LHPP: variants seen among roughly 807,000 people sequenced by gnomAD.
LHPP encodes hLHPP.
In LHPP, 24 loss-of-function variants were observed where a neutral mutation model predicts 30.3. That is an observed-to-expected ratio of 0.79 (90% CI 0.57 to 1.11). LHPP has a LOEUF of 1.11. LHPP is among the 50% of genes most tolerant of loss of function. LHPP has a pLI of 0.00. For missense variants in LHPP, 356 were observed against 367.2 expected (o/e 0.97, Z 0.25); for synonymous variants, 150 against 157.1 (o/e 0.95, Z 0.34).
At chr10:124,518,946 T>G (rs1954534527) in intron 6 of LHPP, among the ~76,000 whole-genome samples, 1 of 152,126 alleles carries the variant, frequency 6.6e-6, no homozygotes, top group African/African-American at 2.4e-5. Context: ...TTTTTTGTTT[T>G]TGTTTTTGTT....
chr10:124,576,351 C>T lies in LHPP; in HGVS notation c.717-36913C>T, dbSNP rs1948660130. On this transcript the variant is annotated intron_variant, in intron 6 of 6. Transcript: ENST00000368842. The surrounding 1 kb of genome is among the most constrained non-coding windows in gnomAD (Gnocchi z 4.2). ...GGGGGCGCTGGGGTGGCAGCAGGGC[C>T]AGACCCCACTTCAGGGGTTGCCCCC... is the stretch of plus-strand genomic sequence containing the variant. 6.6e-6 allele frequency among the ~76,000 whole-genome samples: 1 copy of T among 152,054 alleles called. No homozygotes were observed. The highest frequency in any genetic ancestry group is 1.5e-5 in the Non-Finnish European group (1 of 67,980).
At chr10:124,465,351 AG>A (rs1246382483) in intron 1 of LHPP, among the ~76,000 whole-genome samples, 1 of 152,186 alleles carries the variant, frequency 6.6e-6, no homozygotes, top group East Asian at 1.9e-4. Flanking sequence ...CCTGAGTGGC[AG>A]GAAGTCAGTG....
intron 5 of LHPP, among the ~76,000 whole-genome samples, chr10:124,502,034 A>T (rs1953916992): frequency 6.6e-6 from 1 of 151,986 alleles, no homozygotes; most frequent in African/African-American, 2.4e-5. Context: ...ACTAATAACC[A>T]CTTTAAAATT....
intron 5 of LHPP, among the ~76,000 whole-genome samples, chr10:124,503,850 A>G (rs914145246): frequency 6.7e-6 from 1 of 149,776 alleles, no homozygotes; most frequent in African/African-American, 2.6e-5. Context: ...TGTGTTTTAT[A>G]TATAGAGAGA....
intron 6 of LHPP, among the ~76,000 whole-genome samples, chr10:124,538,968 A>G (rs1869660): frequency 0.75 from 114,527 of 152,112 alleles, 44,507 homozygotes; most frequent in Admixed American, 0.84. Context: ...ATATTGGAGG[A>G]GTTGAATTAT....
intron 5 of LHPP, among the ~76,000 whole-genome samples, chr10:124,512,461 AAAAC>A (rs1260187791): frequency 6.6e-6 from 1 of 151,964 alleles, no homozygotes; most frequent in East Asian, 1.9e-4. Flanking sequence ...CTAAAAATAC[AAAAC>A]AAACAGCGGG....
intron 1 of LHPP, among the ~76,000 whole-genome samples, chr10:124,473,375 T>C (rs1952847396): frequency 6.6e-6 from 1 of 152,188 alleles, no homozygotes; most frequent in African/African-American, 2.4e-5. Flanking sequence ...ATAGGACTTA[T>C]TCAGACACCT....
chr10:124,557,494 G>A (rs7901666), intron 6 of LHPP, among the ~76,000 whole-genome samples: 148,808 of 152,326 alleles, frequency 0.98, 72,764 homozygotes, highest in East Asian at 1. Flanking sequence ...GGGAGTCACC[G>A]TATAGCTTTA....
In LHPP at chr10:124,517,123, G is replaced by T; in HGVS notation, c.625-57G>T. 1 of 1,169,114 alleles carries T rather than the reference G, an allele frequency of 8.6e-7. No homozygotes were observed. The highest frequency in any genetic ancestry group is 1.2e-6 in the Non-Finnish European group (1 of 834,076). The allele number at this position is 1,169,114 out of a possible 1,614,324, so 72.4% of individuals were successfully genotyped here. A position where few individuals can be genotyped will look rare whatever the true frequency, so the allele number is the denominator to read the frequency against. Reference sequence around the variant, plus strand: ...TATTATGTCAAAAAAAGATGAAGGAGCCCGGGAATAAAACTCTCCTGACAT... The same window carrying T: ...TATTATGTCAAAAAAAGATGAAGGATCCCGGGAATAAAACTCTCCTGACAT... On this transcript the variant is annotated intron_variant, in intron 5 of 6. Transcript: ENST00000368842. This position sits in a 1 kb window ranked among gnomAD's most constrained non-coding sequence, Gnocchi z 4.1.
chr10:124,594,662 A>C (rs1948921144), intron 6 of LHPP, among the ~76,000 whole-genome samples: 2 of 145,688 alleles, frequency 1.4e-5, no homozygotes, highest in African/African-American at 5.1e-5. Context: ...ATGGAGTCTC[A>C]CTCTGTCACC....
chr10:124,579,086 C>G (rs1481124354), intron 6 of LHPP, among the ~76,000 whole-genome samples: 1 of 152,220 alleles, frequency 6.6e-6, no homozygotes. Flanking sequence ...CAGGTCTTCC[C>G]GGTTACCAGC....
Position 124,503,334 on chromosome 10 carries a change from G to A in LHPP, c.624+5206G>A, listed in dbSNP as rs1374986874. On this transcript the variant is annotated intron_variant, in intron 5 of 6. Coordinates refer to ENST00000368842, the MANE Select transcript of LHPP (RefSeq NM_022126.4). ...GCCCGCCTCGGCCTCCCAAAGTGCTGGGATTACAGGCATGAGCCACCACAT... is the reference window on the plus strand; with the variant it reads ...GCCCGCCTCGGCCTCCCAAAGTGCTAGGATTACAGGCATGAGCCACCACAT... Among the ~76,000 whole-genome samples, 3 of 152,034 alleles carry A rather than the reference G, an allele frequency of 2.0e-5. 1 individual carries two copies. Among genetic ancestry groups the A allele is most frequent in the Admixed American group, 2.0e-4 (3 of 15,284 alleles).
intron 6 of LHPP, among the ~76,000 whole-genome samples, chr10:124,580,010 A>G (rs1948723554): frequency 6.6e-6 from 1 of 152,172 alleles, no homozygotes; most frequent in Admixed American, 6.5e-5. Flanking sequence ...CATTTTCTAT[A>G]TTATTACTGT....
In LHPP at chr10:124,592,667, AG is replaced by A. The variant is rs1948895949; in HGVS notation, c.717-20595del. Among the ~76,000 whole-genome samples the A allele has an allele frequency of 6.6e-6, 1 of 152,124 alleles. No individual in the cohort carries two copies. Among genetic ancestry groups the A allele is most frequent in the African/African-American group, 2.4e-5 (1 of 41,428 alleles). On this transcript the variant is annotated intron_variant, in intron 6 of 6. Coordinates refer to ENST00000368842, the MANE Select transcript of LHPP (RefSeq NM_022126.4). This position sits in a 1 kb window ranked among gnomAD's most constrained non-coding sequence, Gnocchi z 6.2. ...TGGAGCTGCCTCCAGGCCTTCCCGG[AG>A]GCCCCATGGCTGTCTTACTTGGTTT...
intron 5 of LHPP, among the ~76,000 whole-genome samples, chr10:124,503,174 C>G (rs979906592): frequency 1.3e-5 from 2 of 151,922 alleles, no homozygotes; most frequent in African/African-American, 2.4e-5. Flanking sequence ...TCAAGCAATT[C>G]TCCTGCCTCA....
At chr10:124,527,008 C>G (rs1171651319) in intron 6 of LHPP, among the ~76,000 whole-genome samples, 1 of 152,230 alleles carries the variant, frequency 6.6e-6, no homozygotes, top group Non-Finnish European at 1.5e-5. Flanking sequence ...TTAACATGAA[C>G]CTGGGCCACT....
intron 6 of LHPP, among the ~76,000 whole-genome samples, chr10:124,587,568 C>T (rs1462714475): frequency 1.3e-5 from 2 of 151,330 alleles, no homozygotes; most frequent in East Asian, 2.0e-4. Context: ...GGGGAAACCC[C>T]GTCTCTACTA....
In LHPP at chr10:124,484,004, C is replaced by A. The variant is rs371187043; in HGVS notation, c.126-135C>A. On this transcript the variant is annotated intron_variant, in intron 1 of 6. Transcript: ENST00000368842. ...TGAACACATCCTGGATCAGCCAGGA[C>A]CCCCTCAGGGGCTCGCAGTGGCCTA... The A allele has an allele frequency of 1.1e-4, 85 of 746,694 alleles. No homozygotes were observed. In the East Asian group the frequency reaches 1.7e-3, roughly 15 times the overall value. The allele number at this position is 746,694 out of a possible 1,614,324, so 46.3% of individuals were successfully genotyped here. A position where few individuals can be genotyped will look rare whatever the true frequency, so the allele number is the denominator to read the frequency against.
At chr10:124,468,649 A>T (rs1952632758) in intron 1 of LHPP, among the ~76,000 whole-genome samples, 1 of 152,148 alleles carries the variant, frequency 6.6e-6, no homozygotes. Flanking sequence ...TTTTCACTGA[A>T]GGGGCCGCTG....
Sources: gnomAD v4.1 joint callset for allele counts (sites outside exome capture counted in the v4.1 genomes callset) on GRCh38, gnomAD v4.1.1 for gene constraint, Gnocchi (gnomAD v3.1) non-coding constraint, MANE v1.5 for transcripts, NCBI Gene and HGNC (gene_info 2026-07-23, HGNC 2026-07-21) for gene names.